The following ESRRA variants were observed in gnomAD, a reference collection of about 807,000 sequenced individuals.
The protein encoded by ESRRA is estrogen related receptor alpha, also known as steroid hormone receptor ERR1.
A neutral mutation model predicts 35.6 loss-of-function variants in ESRRA; 7 were observed. The ratio of observed to expected loss-of-function variants is 0.20; its 90% CI spans 0.11 to 0.37. The LOEUF (loss-of-function observed/expected upper bound fraction) is 0.37, where lower values mean the gene tolerates loss of function less well. Ranked by LOEUF, ESRRA falls within the 10% of genes least tolerant of loss-of-function variation. The probability of loss-of-function intolerance (pLI) is 1.00; values close to 1 mark genes in which losing one functional copy is unlikely to be tolerated. For synonymous variants in ESRRA, 223 were observed against 246.9 expected (o/e 0.90, Z 0.91); for missense variants, 378 against 561.7 (o/e 0.67, Z 3.31).
chr11:64,314,754 T>C lies in ESRRA; in HGVS notation c.585T>C (p.Asn195=). 2 of 1,611,708 alleles carry C rather than the reference T, an allele frequency of 1.2e-6. No homozygotes were observed. The highest frequency in any genetic ancestry group is 1.7e-5 in the Admixed American group (1 of 59,974). ...GGPRKTAAPV[N]ALVSHLLVVE... ...TAATTGTCACAGCAGCCCCAGTGAATGCACTGGTGTCTCATCTGCTGGTGG... is the reference window on the plus strand; with the variant it reads ...TAATTGTCACAGCAGCCCCAGTGAACGCACTGGTGTCTCATCTGCTGGTGG... The change falls in exon 5 of 7, where the codon AAT becomes AAC. Residue 195 remains asparagine, a synonymous_variant. Coordinates refer to ENST00000000442, the MANE Select transcript of ESRRA (RefSeq NM_004451.5).
intron 2 of ESRRA, among the ~76,000 whole-genome samples, chr11:64,312,630 C>T (rs555526353): frequency 1.3e-5 from 2 of 152,146 alleles, no homozygotes; most frequent in Non-Finnish European, 1.5e-5. Flanking sequence ...GTTCCTGCCC[C>T]GGTGGAGCTG....
rs4930694 is a variant in ESRRA, at chr11:64,307,151, T to C, written c.-12-17T>C. 1.4e-5 allele frequency: 21 copies of C among 1,539,870 alleles called. No homozygotes were observed. The Admixed American group carries it at 3.9e-4, about 29-fold the overall frequency. On this transcript the variant is annotated splice_polypyrimidine_tract_variant and intron_variant, in intron 1 of 6. Transcript: ENST00000000442. ...ATACCAGTGCTTTCCTGCGAACCTA[T>C]GGGTCTCTCCGTGCAGGTGACCAGC...
rs1329028719 is a variant in ESRRA at position 64,316,224 on chromosome 11, G to A, written c.*258G>A. The stretch of plus-strand genomic sequence containing the variant: ...ATAACGTGCCCCCAGAGTGTAGGGG[G>A]CCTTGCGGAAGCCATAGGGGGCTGC... On this transcript the variant is annotated 3_prime_UTR_variant, in exon 7 of 7. Coordinates refer to ENST00000000442, the MANE Select transcript of ESRRA (RefSeq NM_004451.5). 9.2e-6 allele frequency: 4 copies of A among 436,174 alleles called. No individual in the cohort carries two copies. Among genetic ancestry groups the A allele is most frequent in the African/African-American group, 2.0e-5 (1 of 49,904 alleles). The allele number at this position is 436,174 out of a possible 1,614,324, so 27.0% of individuals were successfully genotyped here. A position where few individuals can be genotyped will look rare whatever the true frequency, so the allele number is the denominator to read the frequency against.
chr11:64,314,382 G>A lies in ESRRA; in HGVS notation c.571+15G>A. On this transcript the variant is annotated intron_variant, in intron 4 of 6. Transcript: ENST00000000442. ...CCGGAAGACAGGTGAGAGCACTGTG[G>A]GTACCTGGGGCTACGAAACCGGAGG... 6.5e-7 allele frequency: 1 copy of A among 1,540,924 alleles called. No individual in the cohort carries two copies.
Position 64,316,056 on chromosome 11 carries a change from G to T in ESRRA, c.*90G>T. 7.0e-7 allele frequency: 1 copy of T among 1,432,972 alleles called. No individual in the cohort carries two copies. Among genetic ancestry groups the T allele is most frequent in the Non-Finnish European group, 9.4e-7 (1 of 1,063,120 alleles). The allele number at this position is 1,432,972 out of a possible 1,614,324, so 88.8% of individuals were successfully genotyped here. Reference sequence around the variant, plus strand: ...CTGGGGCGGAGCTGGGGTCTGGGCAGTGCCACAGCCTGCTGGCAGGGCCAG... The same window carrying T: ...CTGGGGCGGAGCTGGGGTCTGGGCATTGCCACAGCCTGCTGGCAGGGCCAG... On this transcript the variant is annotated 3_prime_UTR_variant, in exon 7 of 7. Coordinates refer to ENST00000000442, the MANE Select transcript of ESRRA (RefSeq NM_004451.5).
chr11:64,316,153 G>A lies in ESRRA; in HGVS notation c.*187G>A. ...CCCTCCTAGGGGGTGTCAGAAGCTG[G>A]GAACGTGTGTCCAGGCTCTGGGCAC... On this transcript the variant is annotated 3_prime_UTR_variant, in exon 7 of 7. Transcript: ENST00000000442. 3.0e-6 allele frequency: 2 copies of A among 659,442 alleles called. No homozygotes were observed. The highest frequency in any genetic ancestry group is 4.3e-5 in the South Asian group (2 of 46,908). The allele number at this position is 659,442 out of a possible 1,614,324, so 40.8% of individuals were successfully genotyped here.
chr11:64,308,321 C>T (rs1246916520), intron 2 of ESRRA, among the ~76,000 whole-genome samples: 2 of 150,958 alleles, frequency 1.3e-5, no homozygotes, highest in Admixed American at 6.6e-5. Context: ...TCGAGACCAG[C>T]CTGGCCAGGG....
rs575697371 is a variant in ESRRA at position 64,305,941 on chromosome 11, C to T, written c.-13+205C>T. 2.6e-5 allele frequency among the ~76,000 whole-genome samples: 4 copies of T among 152,214 alleles called. No homozygotes were observed. In the South Asian group the frequency reaches 8.3e-4, roughly 32 times the overall value. On this transcript the variant is annotated intron_variant, in intron 1 of 6. Coordinates refer to ENST00000000442, the MANE Select transcript of ESRRA (RefSeq NM_004451.5). The surrounding 1 kb of genome is among the most constrained non-coding windows in gnomAD (Gnocchi z 5.8). ...GGCGTCCGAGTCCTGGTGGGCCGGCCTGGGGCAGGATCTGGCTCTGGCTGC... is the reference window on the plus strand; with the variant it reads ...GGCGTCCGAGTCCTGGTGGGCCGGCTTGGGGCAGGATCTGGCTCTGGCTGC...
At position 64,316,040 on chromosome 11, in the gene ESRRA, A is replaced by T; in HGVS notation, c.*74A>T. On this transcript the variant is annotated 3_prime_UTR_variant, in exon 7 of 7. Coordinates refer to ENST00000000442, the MANE Select transcript of ESRRA (RefSeq NM_004451.5). The stretch of plus-strand genomic sequence containing the variant: ...GGGTCAGCCCCAAGGGCTGGGGCGG[A>T]GCTGGGGTCTGGGCAGTGCCACAGC... The T allele has an allele frequency of 6.7e-7, 1 of 1,496,884 alleles. No individual in the cohort carries two copies. The highest frequency in any genetic ancestry group is 9.0e-7 in the Non-Finnish European group (1 of 1,115,264). The allele number at this position is 1,496,884 out of a possible 1,614,324, so 92.7% of individuals were successfully genotyped here. A position where few individuals can be genotyped will look rare whatever the true frequency, so the allele number is the denominator to read the frequency against.
rs2035017338 is a variant in ESRRA, at chr11:64,305,710, T to G, written c.-39T>G. 1 of 140,330 alleles carries G rather than the reference T, an allele frequency of 7.1e-6. No homozygotes were observed. The highest frequency in any genetic ancestry group is 2.4e-4 in the South Asian group (1 of 4,104). The allele number at this position is 140,330 out of a possible 1,614,324, so 8.7% of individuals were successfully genotyped here. ...CTCCGGGCCGCTCGGCCCCCATGCC[T>G]GCCCGACCGCGCTGCCGGAGCCCCA... On this transcript the variant is annotated 5_prime_UTR_variant, in exon 1 of 7. Transcript: ENST00000000442. The surrounding 1 kb of genome is among the most constrained non-coding windows in gnomAD (Gnocchi z 5.8).
In ESRRA at chr11:64,307,284, G is replaced by A. The variant is rs745647545; in HGVS notation, c.105G>A (p.Val35=). The A allele has an allele frequency of 1.2e-6, 2 of 1,613,464 alleles. No individual in the cohort carries two copies. The highest frequency in any genetic ancestry group is 4.5e-5 in the East Asian group (2 of 44,884). Reference sequence around the variant, plus strand: ...CGGAGACAGAGACCGAGCCTCCTGTGGCCCTGGCCCCTGGTCCAGCTCCCA... The same window carrying A: ...CGGAGACAGAGACCGAGCCTCCTGTAGCCCTGGCCCCTGGTCCAGCTCCCA... The part of the protein sequence containing the change: ...GSSETETEPP[V]ALAPGPAPTR... The change falls in exon 2 of 7, where the codon GTG becomes GTA. Residue 35 remains valine (V), a synonymous_variant. Transcript: ENST00000000442.
In ESRRA at chr11:64,315,805, G is replaced by C. The variant is rs752474184; in HGVS notation, c.1111G>C (p.Gly371Arg). ...EYEAGRAGPG[G>R]GAERRRAGRL... ...TGAAGCCGGCCGGGCTGGCCCCGGA[G>C]GGGGTGCTGAGCGGCGGCGGGCGGG... The change falls in exon 7 of 7, where the codon GGG (glycine) becomes CGG (arginine). Residue 371 changes from glycine to arginine, a missense_variant. Around this residue, in one of 4 missense-constraint regions of ESRRA, gnomAD observed 284 missense variants for 411.7 expected, o/e 0.69. Transcript: ENST00000000442. 6 of 1,612,372 alleles carry C rather than the reference G, an allele frequency of 3.7e-6. No homozygotes were observed. The highest frequency in any genetic ancestry group is 1.3e-5 in the African/African-American group (1 of 74,904).
chr11:64,308,698 C>G (rs1381717311), intron 2 of ESRRA, among the ~76,000 whole-genome samples: 2 of 145,666 alleles, frequency 1.4e-5, no homozygotes, highest in South Asian at 4.4e-4. Context: ...CGCCTGTAAT[C>G]CCAGCTACTT....
rs544336819 is a variant in ESRRA at position 64,311,982 on chromosome 11, C to CTTT, written c.326-1958_326-1956dup. Reference sequence around the variant, plus strand: ...ATAGGCGTGAGCCACTGCGCCTGGCCTTTTTTTTTTTTTGGTACAGAGTTT... The same window carrying CTTT: ...ATAGGCGTGAGCCACTGCGCCTGGCCTTTTTTTTTTTTTTTTGGTACAGAGTTT... On this transcript the variant is annotated intron_variant, in intron 2 of 6. Transcript: ENST00000000442. 2.8e-4 allele frequency among the ~76,000 whole-genome samples: 19 copies of CTTT among 68,404 alleles called. 2 individuals carry two copies. Among genetic ancestry groups the CTTT allele is most frequent in the Non-Finnish European group, 1.4e-4 (5 of 36,380 alleles). 44.9% of individuals were successfully genotyped at this position (68,404 alleles called of 152,430 possible).
chr11:64,311,833 C>T (rs1161010538), intron 2 of ESRRA, among the ~76,000 whole-genome samples: 1 of 151,720 alleles, frequency 6.6e-6, no homozygotes, highest in South Asian at 2.1e-4. Context: ...GCTGGGACTA[C>T]AGGCACACGC....
intron 2 of ESRRA, among the ~76,000 whole-genome samples, chr11:64,310,652 A>G (rs1348798704): frequency 3.5e-5 from 5 of 144,616 alleles, no homozygotes; most frequent in Non-Finnish European, 6.0e-5. Context: ...GGTTCAAGCC[A>G]TTCACCTGCC....
In ESRRA at chr11:64,305,718, C is replaced by A. The variant is rs1405320543; in HGVS notation, c.-31C>A. ...CGCTCGGCCCCCATGCCTGCCCGAC[C>A]GCGCTGCCGGAGCCCCAGGTCCGGG... On this transcript the variant is annotated 5_prime_UTR_variant, in exon 1 of 7. Transcript: ENST00000000442. The surrounding 1 kb of genome is among the most constrained non-coding windows in gnomAD (Gnocchi z 5.8). The A allele has an allele frequency of 6.8e-6, 1 of 147,478 alleles. No homozygotes were observed. The highest frequency in any genetic ancestry group is 1.5e-5 in the Non-Finnish European group (1 of 66,294). The allele number at this position is 147,478 out of a possible 1,614,324, so 9.1% of individuals were successfully genotyped here.
chr11:64,311,237 A>G (rs1565375988), intron 2 of ESRRA, among the ~76,000 whole-genome samples: 1 of 152,218 alleles, frequency 6.6e-6, no homozygotes, highest in African/African-American at 2.4e-5. Context: ...TGTCCTGGCC[A>G]GTGTTCCAGG....
chr11:64,309,068 G>A (rs1286195675), intron 2 of ESRRA, among the ~76,000 whole-genome samples: 3 of 151,862 alleles, frequency 2.0e-5, no homozygotes, highest in Non-Finnish European at 4.4e-5. Flanking sequence ...CCCAGATCGC[G>A]CCATTGCACT....
Sources: allele counts gnomAD v4.1 joint callset (sites outside exome capture counted in the v4.1 genomes callset), GRCh38; gene constraint gnomAD v4.1.1; regional missense constraint gnomAD v4.1.1; non-coding constraint Gnocchi (gnomAD v3.1); transcripts MANE v1.5; gene names NCBI Gene and HGNC (gene_info 2026-07-23, HGNC 2026-07-21).